SNX29: variants seen among roughly 807,000 people sequenced by gnomAD.
SNX29 encodes the protein sorting nexin-29.
Under a neutral mutation model 102.1 loss-of-function variants are expected in SNX29, and 78 were observed. That is an observed-to-expected ratio of 0.76 (90% CI 0.64 to 0.92). SNX29 has a LOEUF of 0.92. Among genes scored for constraint, SNX29 ranks in the 40% least tolerant of loss-of-function variants. The pLI, the probability that SNX29 is intolerant of heterozygous loss-of-function variation, is 0.00. For missense variants in SNX29, 1,280 were observed against 1,061.7 expected, an observed-to-expected ratio of 1.21 and a Z score of -2.86; for synonymous variants, 580 against 414.5, an observed-to-expected ratio of 1.40 and a Z score of -4.85.
At chr16:12,521,971 C>G (rs1038773496) in intron 19 of SNX29, among the ~76,000 whole-genome samples, 1 of 152,198 alleles carries the variant, frequency 6.6e-6, no homozygotes, top group Admixed American at 6.5e-5. Context: ...AGAGCTGCCA[C>G]CCCTCTGGAG....
Position 12,052,040 on chromosome 16 carries a change from C to A in SNX29, c.942C>A (p.Asn314Lys), listed in dbSNP as rs150620705. The part of the protein sequence containing the change: ...MSAFESPFGP[N>K]SNGSQSSNSW... ...CCTTTGAAAGCCCCTTCGGGCCTAA[C>A]TCCAATGGAAGTCAGAGCAGCAACT... The change falls in exon 8 of 21, where the codon AAC becomes AAA. Residue 314 changes from asparagine to lysine, a missense_variant. Coordinates refer to ENST00000566228, the MANE Select transcript of SNX29 (RefSeq NM_032167.5). 39 of 1,613,852 alleles carry A rather than the reference C, an allele frequency of 2.4e-5. No individual in the cohort carries two copies. The highest frequency in any genetic ancestry group is 3.2e-5 in the Non-Finnish European group (38 of 1,179,870).
intron 14 of SNX29, among the ~76,000 whole-genome samples, chr16:12,200,537 C>T (rs1377977724): frequency 6.6e-6 from 1 of 151,640 alleles, no homozygotes; most frequent in African/African-American, 2.4e-5. Context: ...GGATGGAGTG[C>T]AGTGGCACAA....
chr16:12,549,403 G>C (rs1233031812), intron 20 of SNX29, among the ~76,000 whole-genome samples: 2 of 152,212 alleles, frequency 1.3e-5, no homozygotes, highest in Non-Finnish European at 2.9e-5. Context: ...GCTGAGGCAG[G>C]AGAATCTCTT....
Position 12,572,299 on chromosome 16 carries a change from C to A in SNX29, c.*3670C>A, listed in dbSNP as rs1011872849. ...ACTAACAAGTACTGGGGCCAGTGAT[C>A]ACAATCCAGGTTGGAAACAGGAGTG... On this transcript the variant is annotated 3_prime_UTR_variant, in exon 21 of 21. Transcript: ENST00000566228. The A allele has an allele frequency of 2.4e-5, 22 of 920,544 alleles. No homozygotes were observed. Among genetic ancestry groups the A allele is most frequent in the African/African-American group, 4.6e-5 (1 of 21,542 alleles). 57.0% of individuals were successfully genotyped at this position (920,544 alleles called of 1,614,324 possible). A position where few individuals can be genotyped will look rare whatever the true frequency, so the allele number is the denominator to read the frequency against.
chr16:12,567,826 T>A (rs2079075435), intron 20 of SNX29, among the ~76,000 whole-genome samples: 1 of 152,150 alleles, frequency 6.6e-6, no homozygotes, highest in Non-Finnish European at 1.5e-5. Flanking sequence ...CCCTCTGCTC[T>A]CACGGTGAAG....
At chr16:12,094,018 T>C (rs562972765) in intron 11 of SNX29, 30 of 152,290 alleles carry the variant, frequency 2.0e-4, no homozygotes, top group African/African-American at 6.5e-4. Context: ...TGCTTGCTGA[T>C]GTTAAACCAG....
chr16:12,485,531 T>C (rs899986356), intron 19 of SNX29, among the ~76,000 whole-genome samples: 7 of 152,160 alleles, frequency 4.6e-5, no homozygotes, highest in Non-Finnish European at 1.0e-4. Context: ...AACCGACTGG[T>C]ACTCGCCGAG....
chr16:12,167,121 G>A (rs1479077494), intron 13 of SNX29, among the ~76,000 whole-genome samples: 1 of 152,202 alleles, frequency 6.6e-6, no homozygotes, highest in Non-Finnish European at 1.5e-5. Flanking sequence ...TTTGCTGGCT[G>A]AACCGAGTAT....
chr16:12,424,697 T>G (rs1348659712), intron 18 of SNX29, among the ~76,000 whole-genome samples: 1 of 152,208 alleles, frequency 6.6e-6, no homozygotes, highest in Non-Finnish European at 1.5e-5. Flanking sequence ...TAGACCTTGT[T>G]GTTCCGAGTG....
chr16:12,419,300 C>T (rs1023955850), intron 18 of SNX29, among the ~76,000 whole-genome samples: 18 of 152,296 alleles, frequency 1.2e-4, no homozygotes, highest in Middle Eastern at 3.4e-3. Context: ...ATCTCCTCAG[C>T]AGGACCCGGC....
At chr16:12,467,198 A>G (rs1350587196) in intron 18 of SNX29, among the ~76,000 whole-genome samples, 2 of 152,238 alleles carry the variant, frequency 1.3e-5, no homozygotes, top group African/African-American at 4.8e-5. Flanking sequence ...GCTTATGGCA[A>G]GTAAAAGTGA....
rs142137681 is a variant in SNX29 at position 12,002,170 on chromosome 16, G to A, written c.70-821G>A. Among the ~76,000 whole-genome samples the A allele has an allele frequency of 1.4e-3, 215 of 152,070 alleles. 2 individuals are homozygous for A. The highest frequency in any genetic ancestry group is 5.0e-3 in the African/African-American group (206 of 41,508). On this transcript the variant is annotated intron_variant, in intron 2 of 20. Transcript: ENST00000566228. ...AATTCAAAAAGTAGCCTGCAGGGCC[G>A]GGCGCATTGGCTCACGCCTGTAATC...
At chr16:12,310,234 C>T (rs932705151) in intron 15 of SNX29, among the ~76,000 whole-genome samples, 3 of 152,164 alleles carry the variant, frequency 2.0e-5, no homozygotes, top group African/African-American at 4.8e-5. Flanking sequence ...AGAGACTCAC[C>T]GAAATGCTAC....
rs961179117 is a variant in SNX29 at position 12,557,572 on chromosome 16, G to A, written c.2319-10934G>A. ...AGACAGCATTTCACTATGTTGGCTA[G>A]GCTGATCTTGAACTCCTGACCTCAA... On this transcript the variant is annotated intron_variant, in intron 20 of 20. Transcript: ENST00000566228. The A allele has an allele frequency of 4.6e-5, 7 of 152,132 alleles. No individual in the cohort carries two copies. In the East Asian group the frequency reaches 1.4e-3, roughly 29 times the overall value. The allele number at this position is 152,132 out of a possible 1,614,324, so 9.4% of individuals were successfully genotyped here. A position where few individuals can be genotyped will look rare whatever the true frequency, so the allele number is the denominator to read the frequency against.
chr16:12,493,787 T>G (rs1279465538), intron 19 of SNX29, among the ~76,000 whole-genome samples: 1 of 152,220 alleles, frequency 6.6e-6, no homozygotes, highest in African/African-American at 2.4e-5. Flanking sequence ...AGACGGGGTT[T>G]CACCATGTTG....
intron 15 of SNX29, among the ~76,000 whole-genome samples, chr16:12,316,401 G>C (rs2080740359): frequency 6.6e-6 from 1 of 152,090 alleles, no homozygotes; most frequent in African/African-American, 2.4e-5. Flanking sequence ...AAATTAGCTG[G>C]GCGTGGTGGC....
chr16:12,568,334 A>G (rs867647330), intron 20 of SNX29, among the ~76,000 whole-genome samples, 172 bp from the exon 21 acceptor site: 22 of 147,552 alleles, frequency 1.5e-4, no homozygotes, highest in South Asian at 8.7e-4. Flanking sequence ...GGTTTACGTG[A>G]CAATAGGGGT....
At chr16:12,193,176 A>G (rs1318801059) in intron 13 of SNX29, among the ~76,000 whole-genome samples, 4 of 152,216 alleles carry the variant, frequency 2.6e-5, no homozygotes, top group Non-Finnish European at 4.4e-5. Context: ...AAGTTGTTGC[A>G]TGTATCAATA....
chr16:12,061,533 T>G lies in SNX29; in HGVS notation c.1130T>G (p.Leu377Arg), dbSNP rs765917994. The G allele has an allele frequency of 1.2e-6, 2 of 1,600,452 alleles. No homozygotes were observed. Among genetic ancestry groups the G allele is most frequent in the South Asian group, 2.3e-5 (2 of 87,882 alleles). The change falls in exon 9 of 21, where the codon CTG becomes CGG. Residue 377 changes from leucine (L) to arginine (R), a missense_variant. Leu to Arg is a moderately radical substitution (Grantham distance 102). Transcript: ENST00000566228. ...RGHSESPEKP[L>R]EGNTCLSQMH... ...GCTGTATTCTTTCACCTTAGGCCAC[T>G]GGAAGGGAACACCTGCCTCTCCCAG...
Sources: gnomAD v4.1 joint callset for allele counts (sites outside exome capture counted in the v4.1 genomes callset) on GRCh38, gnomAD v4.1.1 for gene constraint, MANE v1.5 for transcripts, NCBI Gene and HGNC (gene_info 2026-07-23, HGNC 2026-07-21) for gene names.